Variants in GPR162 observed in about 807,000 individuals in gnomAD.
GPR162 encodes the protein G protein-coupled receptor 162.
A neutral mutation model predicts 44.9 loss-of-function variants in GPR162; 26 were observed. The ratio of observed to expected loss-of-function variants is 0.58; its 90% CI spans 0.42 to 0.80. The LOEUF is 0.80. Among genes scored for constraint, GPR162 ranks in the 30% least tolerant of loss-of-function variants. The probability of loss-of-function intolerance (pLI) is 0.00; values close to 1 mark genes in which losing one functional copy is unlikely to be tolerated. For missense variants in GPR162, 704 were observed against 802.3 expected, an observed-to-expected ratio of 0.88 and a Z score of 1.48; for synonymous variants, 363 against 335.2, an observed-to-expected ratio of 1.08 and a Z score of -0.91.
rs782252904 is a variant in GPR162 at position 6,827,143 on chromosome 12, C to G, written c.1706C>G (p.Ala569Gly). ...RCSLTGGEES[A>G]RAWGGSWGPG... The stretch of plus-strand genomic sequence containing the variant: ...TCCCTGACGGGGGGTGAAGAAAGTG[C>G]AAGGGCTTGGGGAGGATCCTGGGGC... The change falls in exon 5 of 5, where the codon GCA (alanine) becomes GGA (glycine). Residue 569 changes from alanine (A) to glycine (G), a missense_variant. By Grantham distance (60) the Ala-to-Gly change is moderately conservative (BLOSUM62 0). Transcript: ENST00000311268. 58 of 1,613,252 alleles carry G rather than the reference C, an allele frequency of 3.6e-5. No homozygotes were observed. In the East Asian group the frequency reaches 1.3e-3, roughly 36 times the overall value.
Position 6,822,263 on chromosome 12 carries a change from G to A in GPR162, c.-432+363G>A. Among the ~76,000 whole-genome samples the A allele has an allele frequency of 6.6e-6, 1 of 152,148 alleles. No homozygotes were observed. Among genetic ancestry groups the A allele is most frequent in the Non-Finnish European group, 1.5e-5 (1 of 68,022 alleles). ...GTGGAGGTGGGTGGGAAGGGGTCCA[G>A]GGCTGTAGGAGAGGACACTGGGGGC... On this transcript the variant is annotated intron_variant, in intron 1 of 4. Transcript: ENST00000311268. This position sits in a 1 kb window ranked among gnomAD's most constrained non-coding sequence, Gnocchi z 4.2.
rs781819544 is a variant in GPR162, at chr12:6,826,491, C to G, written c.1215+138C>G. 7.1e-5 allele frequency: 76 copies of G among 1,073,158 alleles called. No homozygotes were observed. In the South Asian group the frequency reaches 1.1e-3, roughly 15 times the overall value. 66.5% of individuals were successfully genotyped at this position (1,073,158 alleles called of 1,614,324 possible). On this transcript the variant is annotated intron_variant, in intron 4 of 4. Coordinates refer to ENST00000311268, the MANE Select transcript of GPR162 (RefSeq NM_019858.2). ...AGAGCTGGGTGAAAGAAAGCTATAG[C>G]AAGAGAGGCATCCCTTCAGACCTCG... is the stretch of plus-strand genomic sequence containing the variant.
intron 4 of GPR162, 41 bp from the exon 5 acceptor site, chr12:6,826,612 T>C (rs1943359789): frequency 6.7e-7 from 1 of 1,490,166 alleles, no homozygotes; most frequent in Non-Finnish European, 9.0e-7. Context: ...TCTGCCTCTG[T>C]CCCTGCAGCA....
Position 6,823,417 on chromosome 12 carries a change from C to G in GPR162, c.-431-51C>G, listed in dbSNP as rs1048017253. 3 of 342,454 alleles carry G rather than the reference C, an allele frequency of 8.8e-6. No homozygotes were observed. The East Asian group carries it at 1.5e-4, about 17-fold the overall frequency. 21.2% of individuals were successfully genotyped at this position (342,454 alleles called of 1,614,324 possible). On this transcript the variant is annotated intron_variant, in intron 1 of 4. Coordinates refer to ENST00000311268, the MANE Select transcript of GPR162 (RefSeq NM_019858.2). ...CACAGGAGGCTGATTGGAGACCAGC[C>G]CAGGCCCTACCTTTGCCCTCTCCCT...
At chr12:6,825,931 G>A (rs1485144716) in intron 3 of GPR162, among the ~76,000 whole-genome samples, 3 of 152,296 alleles carry the variant, frequency 2.0e-5, no homozygotes, top group Admixed American at 1.3e-4. Context: ...TGGGGAACCT[G>A]AGCTTCCCGA....
At position 6,827,192 on chromosome 12, in the gene GPR162, G is replaced by A; in HGVS notation, c.1755G>A (p.Gln585=). ...GCCCAGGCAACCCCATCTTTCCCCA[G>A]CTGACCCTGTGAGCCCAAGCAGGCC... is the stretch of plus-strand genomic sequence containing the variant. The part of the protein sequence containing the change: ...SWGPGNPIFP[Q]LTL The change falls in exon 5 of 5, where the codon CAG becomes CAA. Residue 585 remains glutamine, a synonymous_variant. Coordinates refer to ENST00000311268, the MANE Select transcript of GPR162 (RefSeq NM_019858.2). The A allele has an allele frequency of 6.2e-7, 1 of 1,607,414 alleles. No homozygotes were observed. Among genetic ancestry groups the A allele is most frequent in the Non-Finnish European group, 8.5e-7 (1 of 1,176,828 alleles).
In GPR162 at chr12:6,823,871, C is replaced by A; in HGVS notation, c.-28C>A. 1 of 1,574,964 alleles carries A rather than the reference C, an allele frequency of 6.3e-7. No homozygotes were observed. Among genetic ancestry groups the A allele is most frequent in the Admixed American group, 1.7e-5 (1 of 57,244 alleles). ...AGACCTAGCCCCCACCCCCACAGAG[C>A]TCAAGGGGGTGGGGGGCTGAGGATA... On this transcript the variant is annotated 5_prime_UTR_variant, in exon 2 of 5. Transcript: ENST00000311268.
chr12:6,825,026 G>T (rs1018348102), intron 2 of GPR162: 9 of 666,458 alleles, frequency 1.4e-5, no homozygotes, highest in South Asian at 6.2e-5. Flanking sequence ...CCGTCCTTCA[G>T]TTCCACGACC....
chr12:6,825,437 G>T, intron 2 of GPR162, 47 bp from the exon 3 acceptor site: 1 of 1,217,744 alleles, frequency 8.2e-7, no homozygotes. Context: ...GTTCAGGTGG[G>T]CTCCTCAGCT....
In GPR162 at chr12:6,823,701, T is replaced by A. The variant is rs559862372; in HGVS notation, c.-198T>A. 11 of 1,539,590 alleles carry A rather than the reference T, an allele frequency of 7.1e-6. No homozygotes were observed. The highest frequency in any genetic ancestry group is 9.8e-6 in the Non-Finnish European group (11 of 1,120,252). ...GAGGATTGCCTCTGCTGACCCTCAGTCTCCTCCCCTGCCCTCTACATCTGC... is the reference window on the plus strand; with the variant it reads ...GAGGATTGCCTCTGCTGACCCTCAGACTCCTCCCCTGCCCTCTACATCTGC... On this transcript the variant is annotated 5_prime_UTR_variant, in exon 2 of 5. Coordinates refer to ENST00000311268, the MANE Select transcript of GPR162 (RefSeq NM_019858.2).
Position 6,827,127 on chromosome 12 carries a change from G to A in GPR162, c.1690G>A (p.Gly564Arg), listed in dbSNP as rs1555120434. Reference protein sequence around the residue: ...LSAGRRCSLTGGEESARAWGG... With the variant: ...LSAGRRCSLTRGEESARAWGG... Reference sequence around the variant, plus strand: ...CGCAGGGAGACGCTGCTCCCTGACGGGGGGTGAAGAAAGTGCAAGGGCTTG... The same window carrying A: ...CGCAGGGAGACGCTGCTCCCTGACGAGGGGTGAAGAAAGTGCAAGGGCTTG... The change falls in exon 5 of 5, where the codon GGG becomes AGG. Residue 564 changes from glycine (G) to arginine (R), a missense_variant. Coordinates refer to ENST00000311268, the MANE Select transcript of GPR162 (RefSeq NM_019858.2). The A allele has an allele frequency of 3.7e-6, 6 of 1,613,324 alleles. No homozygotes were observed. The highest frequency in any genetic ancestry group is 1.3e-5 in the African/African-American group (1 of 75,060).
At chr12:6,826,133 A>G in intron 3 of GPR162, 63 bp from the exon 4 acceptor site, 6 of 1,296,312 alleles carry the variant, frequency 4.6e-6, no homozygotes, top group Non-Finnish European at 5.5e-6. Context: ...TTATAAAGGC[A>G]GTGGTGGGAG....
rs1943294476 is a variant in GPR162 at position 6,822,378 on chromosome 12, G to C, written c.-432+478G>C. On this transcript the variant is annotated intron_variant, in intron 1 of 4. Coordinates refer to ENST00000311268, the MANE Select transcript of GPR162 (RefSeq NM_019858.2). The surrounding 1 kb of genome is among the most constrained non-coding windows in gnomAD (Gnocchi z 4.2). ...GGGCTCCGGAGGGAAGCCAAGGGTG[G>C]GGGTGGACCAGGACCTCTTGGGGAA... Among the ~76,000 whole-genome samples the C allele has an allele frequency of 6.6e-6, 1 of 152,170 alleles. No homozygotes were observed.
rs868975551 is a variant in GPR162, at chr12:6,823,938, C to T, written c.40C>T (p.Arg14Cys). 6.4e-7 allele frequency: 1 copy of T among 1,570,854 alleles called. No individual in the cohort carries two copies. The change falls in exon 2 of 5, where the codon CGC becomes TGC. Residue 14 changes from arginine to cysteine, a missense_variant. Arg to Cys is a radical substitution (Grantham distance 180). Transcript: ENST00000311268. The stretch of plus-strand genomic sequence containing the variant: ...GGCGGGGGCAGAGGAGGCCTCCCTG[C>T]GCTCCAACGCATTGTCCTGGCTGGC... The part of the protein sequence containing the change: ...GGAGAEEASL[R>C]SNALSWLACG...
chr12:6,825,750 G>A (rs1211814789), intron 3 of GPR162, 77 bp downstream of exon 3: 1 of 1,328,690 alleles, frequency 7.5e-7, no homozygotes, highest in African/African-American at 1.4e-5. Context: ...TCAGCCAGAG[G>A]ATGGGCTGCC....
In GPR162 at chr12:6,824,628, A is replaced by G. The variant is rs1555119708; in HGVS notation, c.730A>G (p.Ile244Val). 3.1e-6 allele frequency: 5 copies of G among 1,613,460 alleles called. No homozygotes were observed. The highest frequency in any genetic ancestry group is 3.3e-5 in the Admixed American group (2 of 59,956). The change falls in exon 2 of 5, where the codon ATT (isoleucine) becomes GTT (valine). Residue 244 changes from isoleucine (I) to valine (V), a missense_variant. This residue lies in a region of GPR162 where 92 missense variants were observed against 156.5 expected (regional missense o/e 0.59). Coordinates refer to ENST00000311268, the MANE Select transcript of GPR162 (RefSeq NM_019858.2). ...GTRPAFEVPA[I>V]VVEDARGKRR... ...CCGGCCAGCTTTTGAGGTACCAGCC[A>G]TTGTGGTGGAGGATGCCCGAGGGAA...
rs373974188 is a variant in GPR162 at position 6,825,509 on chromosome 12, C to T, written c.893C>T (p.Ser298Leu). ...ILVVSFFSLK[S>L]DSAPPWMVLA... ...GTGGTGAGCTTCTTCTCCCTCAAGT[C>T]GGACTCGGCGCCCCCCTGGATGGTG... Residue 298 changes from serine to leucine, a missense_variant, in exon 3 of 5, where the codon TCG becomes TTG. By Grantham distance (145) the Ser-to-Leu change is moderately radical. This residue lies in a region of GPR162 where 92 missense variants were observed against 156.5 expected (regional missense o/e 0.59). Transcript: ENST00000311268. 206 of 1,610,624 alleles carry T rather than the reference C, an allele frequency of 1.3e-4. No individual in the cohort carries two copies. Among genetic ancestry groups the T allele is most frequent in the Non-Finnish European group, 1.7e-4 (195 of 1,178,940 alleles).
Position 6,827,029 on chromosome 12 carries a change from T to C in GPR162, c.1592T>C (p.Leu531Pro), listed in dbSNP as rs1185662326. The part of the protein sequence containing the change: ...PGHSPRRPRP[L>P]GLSPRRLSLG... ...CACTCTCCTCGTCGGCCCCGGCCAC[T>C]GGGCCTCTCACCCCGCCGACTCTCC... Residue 531 changes from leucine to proline, a missense_variant, in exon 5 of 5, where the codon CTG becomes CCG. By Grantham distance (98) the Leu-to-Pro change is moderately conservative (BLOSUM62 -3). This residue lies in a region of GPR162 where 404 missense variants were observed against 314.1 expected (regional missense o/e 1.29). Coordinates refer to ENST00000311268, the MANE Select transcript of GPR162 (RefSeq NM_019858.2). 1 of 1,613,348 alleles carries C rather than the reference T, an allele frequency of 6.2e-7. No individual in the cohort carries two copies. Among genetic ancestry groups the C allele is most frequent in the East Asian group, 2.2e-5 (1 of 44,870 alleles).
intron 4 of GPR162, 37 bp downstream of exon 4, chr12:6,826,390 C>T (rs367971360): frequency 2.7e-5 from 42 of 1,562,616 alleles, no homozygotes; most frequent in Non-Finnish European, 3.7e-5. Context: ...ACCCTTGGTG[C>T]CGCTCATCAC....
Sources: gnomAD v4.1 joint callset for allele counts (sites outside exome capture counted in the v4.1 genomes callset) on GRCh38, gnomAD v4.1.1 for gene constraint, gnomAD v4.1.1 regional missense constraint, Gnocchi (gnomAD v3.1) non-coding constraint, MANE v1.5 for transcripts, NCBI Gene and HGNC (gene_info 2026-07-23, HGNC 2026-07-21) for gene names.